ZNF138: variants seen among roughly 807,000 people sequenced by gnomAD.
ZNF138 encodes zinc finger protein 138 (clone pHZ-32).
A neutral mutation model predicts 33.0 loss-of-function variants in ZNF138; 33 were observed. The ratio of observed to expected loss-of-function variants is 1.00; its 90% CI spans 0.76 to 1.34. The LOEUF (loss-of-function observed/expected upper bound fraction) is 1.34, where lower values mean the gene tolerates loss of function less well. Ranked by LOEUF, ZNF138 falls within the 40% of genes most tolerant of loss-of-function variation. The probability of loss-of-function intolerance (pLI) is 0.00; values close to 1 mark genes in which losing one functional copy is unlikely to be tolerated. For synonymous variants in ZNF138, 139 were observed against 120.4 expected (o/e 1.15, Z -1.01); for missense variants, 360 against 370.8 (o/e 0.97, Z 0.24).
At chr7:64,843,697 T>C in the ZNF138 span, among the ~76,000 whole-genome samples, 17,214 of 49,478 alleles carry the variant, frequency 0.35, 1,175 homozygotes, top group South Asian at 0.52. Context: ...TTGCAAATAT[T>C]TTCTCCATTT....
At chr7:64,827,698 A>G (rs1345045054) in intron 3 of ZNF138, among the ~76,000 whole-genome samples, 2 of 151,998 alleles carry the variant, frequency 1.3e-5, no homozygotes, top group Admixed American at 6.6e-5. Context: ...TCTTCAAGAA[A>G]GCTCTGGATT....
intron 1 of ZNF138, among the ~76,000 whole-genome samples, chr7:64,796,402 T>C (rs927930287): frequency 6.6e-6 from 1 of 152,146 alleles, no homozygotes; most frequent in Non-Finnish European, 1.5e-5. Context: ...ATACATCTGT[T>C]TTTTAATCAG....
chr7:64,828,077 A>G (rs1489403236), intron 3 of ZNF138, among the ~76,000 whole-genome samples: 1 of 152,158 alleles, frequency 6.6e-6, no homozygotes, highest in African/African-American at 2.4e-5. Flanking sequence ...TAAAAAGTCA[A>G]AAAAATTCTC....
intron 3 of ZNF138, among the ~76,000 whole-genome samples, chr7:64,816,470 TTCTC>T (rs58217643): frequency 0.94 from 142,639 of 152,006 alleles, 66,961 homozygotes; most frequent in South Asian, 0.98. Flanking sequence ...ATTGTTTTCT[TTCTC>T]TATTTTATCA....
At chr7:64,812,850 C>CT (rs34197599) in intron 1 of ZNF138, among the ~76,000 whole-genome samples, 1,757 of 142,058 alleles carry the variant, frequency 0.012, 47 homozygotes, top group African/African-American at 0.043. Flanking sequence ...AAAAAATTGC[C>CT]TTTTTTTTTT....
intron 3 of ZNF138, among the ~76,000 whole-genome samples, chr7:64,815,962 A>G (rs1045625243): frequency 6.6e-6 from 1 of 152,236 alleles, no homozygotes; most frequent in African/African-American, 2.4e-5. Context: ...AAATATCTGC[A>G]TAATTTTGAG....
chr7:64,832,858 C>A lies in ZNF138; in HGVS notation c.*656C>A. 2.3e-6 allele frequency: 1 copy of A among 427,888 alleles called. No individual in the cohort carries two copies. Among genetic ancestry groups the A allele is most frequent in the Non-Finnish European group, 4.7e-6 (1 of 211,542 alleles). The allele number at this position is 427,888 out of a possible 1,614,324, so 26.5% of individuals were successfully genotyped here. The stretch of plus-strand genomic sequence containing the variant: ...TACAAATGTGAAGAATGTGGCATAT[C>A]TTTTAACCAGTTCTCACAACTTGCT... On this transcript the variant is annotated 3_prime_UTR_variant, in exon 4 of 4. Coordinates refer to ENST00000307355, the MANE Select transcript of ZNF138 (RefSeq NM_001271639.2).
In ZNF138 at chr7:64,832,004, A is replaced by G; in HGVS notation, c.762A>G (p.Ala254=). ...IRTGEKPYKC[A]HCGKAFKQSS... is the part of the protein sequence containing the mutation. ...CTGGAGAAAAACCCTATAAATGTGC[A>G]CACTGTGGCAAAGCCTTTAAACAGT... The change falls in exon 4 of 4, where the codon GCA becomes GCG. Residue 254 remains alanine, a synonymous_variant. Coordinates refer to ENST00000307355, the MANE Select transcript of ZNF138 (RefSeq NM_001271639.2). 1 of 1,613,804 alleles carries G rather than the reference A, an allele frequency of 6.2e-7. No homozygotes were observed. The highest frequency in any genetic ancestry group is 8.5e-7 in the Non-Finnish European group (1 of 1,179,860).
chr7:64,847,315 C>CAT, the ZNF138 span, among the ~76,000 whole-genome samples: 184 of 104,180 alleles, frequency 1.8e-3, 1 homozygote, highest in East Asian at 4.6e-3. Context: ...TCTTCTAATA[C>CAT]ATATATATAT....
intron 1 of ZNF138, among the ~76,000 whole-genome samples, chr7:64,799,665 T>C (rs1786980992): frequency 6.6e-6 from 1 of 151,994 alleles, no homozygotes; most frequent in Admixed American, 6.6e-5. Context: ...TTTTTTGAGA[T>C]GGAGTTTCGC....
chr7:64,842,100 G>A, the ZNF138 span, among the ~76,000 whole-genome samples: 13 of 152,278 alleles, frequency 8.5e-5, no homozygotes, highest in South Asian at 6.2e-4. Context: ...ATCTTGCTCT[G>A]TCACCCAGGC....
At chr7:64,844,976 T>C in the ZNF138 span, among the ~76,000 whole-genome samples, 9 of 152,320 alleles carry the variant, frequency 5.9e-5, no homozygotes, top group South Asian at 1.9e-3. Flanking sequence ...TGAGCCACCG[T>C]GCCTGGCTGA....
the ZNF138 span, among the ~76,000 whole-genome samples, chr7:64,859,810 C>G: frequency 1.3e-5 from 2 of 152,190 alleles, no homozygotes; most frequent in African/African-American, 4.8e-5. Context: ...TTAATCTCTT[C>G]TCTCTTTAAA....
At chr7:64,853,090 G>GT in the ZNF138 span, 1 of 1,412,632 alleles carries the variant, frequency 7.1e-7, no homozygotes, top group African/African-American at 1.4e-5. Context: ...CTACAATTGG[G>GT]TAAATGTAAT....
intron 3 of ZNF138, among the ~76,000 whole-genome samples, chr7:64,827,211 G>A (rs1458405948): frequency 6.6e-6 from 1 of 150,570 alleles, no homozygotes; most frequent in Non-Finnish European, 1.5e-5. Flanking sequence ...TAAAGCTGTA[G>A]AATTACAGGG....
chr7:64,850,328 G>A, the ZNF138 span, among the ~76,000 whole-genome samples: 1 of 152,344 alleles, frequency 6.6e-6, no homozygotes, highest in South Asian at 2.1e-4. Flanking sequence ...GGAGCAGTTT[G>A]CTTCCGTCAG....
At position 64,832,811 on chromosome 7, in the gene ZNF138, G is replaced by T. The variant is rs1562929093; in HGVS notation, c.*609G>T. The T allele has an allele frequency of 2.3e-6, 1 of 439,916 alleles. No individual in the cohort carries two copies. Among genetic ancestry groups the T allele is most frequent in the Non-Finnish European group, 4.6e-6 (1 of 218,766 alleles). The allele number at this position is 439,916 out of a possible 1,614,324, so 27.3% of individuals were successfully genotyped here. A position where few individuals can be genotyped will look rare whatever the true frequency, so the allele number is the denominator to read the frequency against. ...TCTCAAACCTTACTAAACACAAGAAGATTCATACTAGAGAGAAACCCTACA... is the reference window on the plus strand; with the variant it reads ...TCTCAAACCTTACTAAACACAAGAATATTCATACTAGAGAGAAACCCTACA... On this transcript the variant is annotated 3_prime_UTR_variant, in exon 4 of 4. Coordinates refer to ENST00000307355, the MANE Select transcript of ZNF138 (RefSeq NM_001271639.2).
chr7:64,835,016 C>T (rs767770325), downstream of ZNF138, among the ~76,000 whole-genome samples: 11 of 152,026 alleles, frequency 7.2e-5, no homozygotes, highest in Non-Finnish European at 1.5e-4. Context: ...CCAGGGAAGT[C>T]GCACTGTGCC....
At chr7:64,810,610 AG>A (rs1200162774) in intron 1 of ZNF138, among the ~76,000 whole-genome samples, 1 of 151,620 alleles carries the variant, frequency 6.6e-6, no homozygotes, top group South Asian at 2.1e-4. Context: ...TGACTAAAAA[AG>A]ATTAGAAGTT....
Sources: allele counts gnomAD v4.1 joint callset (sites outside exome capture counted in the v4.1 genomes callset), GRCh38; gene constraint gnomAD v4.1.1; transcripts MANE v1.5; gene names NCBI Gene and HGNC (gene_info 2026-07-23, HGNC 2026-07-21).